Variants in SORCS2 observed in about 807,000 individuals in gnomAD.
SORCS2 encodes VPS10 domain-containing receptor SorCS2.
In SORCS2, 100 loss-of-function variants were observed where a neutral mutation model predicts 141.6. That is an observed-to-expected ratio of 0.71 (90% CI 0.60 to 0.83). SORCS2 has a LOEUF of 0.83. SORCS2 is among the 40% of genes least tolerant of loss of function. SORCS2 has a pLI of 0.00. For synonymous variants in SORCS2, 789 were observed against 676.9 expected, an observed-to-expected ratio of 1.17 and a Z score of -2.57; for missense variants, 1,646 against 1,560.2, an observed-to-expected ratio of 1.05 and a Z score of -0.93.
intron 3 of SORCS2, among the ~76,000 whole-genome samples, chr4:7,618,837 AACACAC>A (rs36003102): frequency 0.012 from 1,860 of 150,548 alleles, 12 homozygotes; most frequent in Middle Eastern, 0.02. Flanking sequence ...CATGTGCGCA[AACACAC>A]ACACACACAC....
At chr4:7,362,986 C>A (rs1321521319) in intron 1 of SORCS2, among the ~76,000 whole-genome samples, 1 of 151,304 alleles carries the variant, frequency 6.6e-6, no homozygotes, top group Non-Finnish European at 1.5e-5. Flanking sequence ...ACCATCATTA[C>A]CACCACTGCC....
chr4:7,692,889 TCCTCAGGTCCAG>T (rs987816917), intron 11 of SORCS2, among the ~76,000 whole-genome samples: 5 of 152,168 alleles, frequency 3.3e-5, no homozygotes, highest in African/African-American at 1.2e-4. Flanking sequence ...CTGGGGCCCA[TCCTCAGGTCCAG>T]CCTCCAGAGG....
At chr4:7,311,638 A>T (rs1026384457) in intron 1 of SORCS2, among the ~76,000 whole-genome samples, 2 of 152,106 alleles carry the variant, frequency 1.3e-5, no homozygotes, top group African/African-American at 4.8e-5. Context: ...CATTTCCGTG[A>T]TGATGAATGA....
intron 2 of SORCS2, among the ~76,000 whole-genome samples, chr4:7,427,840 A>ACCGCCCCC (rs80141648): frequency 2.7e-5 from 4 of 150,590 alleles, no homozygotes; most frequent in South Asian, 2.1e-4. Context: ...ATCCCACACC[A>ACCGCCCCC]CCGCCCCCCC....
chr4:7,222,420 T>C (rs936785442), intron 1 of SORCS2, among the ~76,000 whole-genome samples: 1 of 152,206 alleles, frequency 6.6e-6, no homozygotes, highest in Non-Finnish European at 1.5e-5. Context: ...GTCTATGGAA[T>C]GTCTAGAATA....
rs148694853 is a variant in SORCS2, at chr4:7,683,860, A to G, written c.1488+971A>G. On this transcript the variant is annotated intron_variant, in intron 10 of 26. Transcript: ENST00000507866. ...TGGAGAATCTCTCAAAGTAGCTGGG[A>G]CTCTTGCCCGCTCTCATGTGGCTAC... Among the ~76,000 whole-genome samples, 72 of 152,094 alleles carry G rather than the reference A, an allele frequency of 4.7e-4. 1 individual carries two copies. Among genetic ancestry groups the G allele is most frequent in the African/African-American group, 1.7e-3 (69 of 41,476 alleles).
At chr4:7,507,705 A>G (rs1007200894) in intron 2 of SORCS2, among the ~76,000 whole-genome samples, 5 of 151,386 alleles carry the variant, frequency 3.3e-5, no homozygotes, top group Admixed American at 6.6e-5. Flanking sequence ...GGTTTTTCCA[A>G]TCAGTGGGGA....
At chr4:7,270,277 C>T (rs149844134) in intron 1 of SORCS2, among the ~76,000 whole-genome samples, 26 of 152,370 alleles carry the variant, frequency 1.7e-4, no homozygotes, top group African/African-American at 4.8e-4. Flanking sequence ...GCTGACAGCA[C>T]GCGTGTGGGT....
chr4:7,326,026 GT>G, intron 1 of SORCS2, among the ~76,000 whole-genome samples: 1 of 152,136 alleles, frequency 6.6e-6, no homozygotes, highest in Non-Finnish European at 1.5e-5. Context: ...ATGTTTTGAT[GT>G]TCCAGTGGAT....
intron 2 of SORCS2, among the ~76,000 whole-genome samples, chr4:7,403,997 A>ATATTTT (rs1265288820): frequency 5.3e-5 from 1 of 18,982 alleles, no homozygotes; most frequent in African/African-American, 1.5e-4. Context: ...ATATATATAT[A>ATATTTT]TTTTTTTTTT....
At chr4:7,293,807 G>C (rs1187024474) in intron 1 of SORCS2, among the ~76,000 whole-genome samples, 1 of 152,196 alleles carries the variant, frequency 6.6e-6, no homozygotes, top group African/African-American at 2.4e-5. Flanking sequence ...AGTAGGGCAT[G>C]CCTGCATTGG....
chr4:7,706,325 T>A (rs371511187), intron 14 of SORCS2, among the ~76,000 whole-genome samples: 1 of 30,620 alleles, frequency 3.3e-5, no homozygotes. Flanking sequence ...CTGGGCTCCG[T>A]CTGGGCAGGG....
chr4:7,403,053 T>C (rs987383438), intron 2 of SORCS2, among the ~76,000 whole-genome samples: 1 of 152,096 alleles, frequency 6.6e-6, no homozygotes, highest in African/African-American at 2.4e-5. Context: ...TCTAAGGAGG[T>C]TTCCTCCTAA....
intron 3 of SORCS2, among the ~76,000 whole-genome samples, chr4:7,607,330 C>T (rs778683700): frequency 3.3e-5 from 5 of 152,140 alleles, no homozygotes; most frequent in Non-Finnish European, 1.5e-5. Context: ...CTTGCTGTGT[C>T]CTGAAGCCAC....
intron 2 of SORCS2, among the ~76,000 whole-genome samples, chr4:7,449,261 CCCTCCCTCCCTT>C (rs1395399308): frequency 2.4e-4 from 1 of 4,130 alleles, no homozygotes; most frequent in Admixed American, 2.8e-3. Context: ...CTCCCTCCCT[CCCTCCCTCCCTT>C]CCTCCCTCCC....
chr4:7,375,170 A>G (rs1377655161), intron 1 of SORCS2, among the ~76,000 whole-genome samples: 1 of 152,122 alleles, frequency 6.6e-6, no homozygotes, highest in East Asian at 1.9e-4. Context: ...CATCCCCATG[A>G]AGTGGAGCTC....
chr4:7,644,378 G>C (rs11936769), intron 4 of SORCS2, among the ~76,000 whole-genome samples: 33,446 of 152,194 alleles, frequency 0.22, 8,267 homozygotes, highest in African/African-American at 0.61. Flanking sequence ...CCCTCCAGAG[G>C]TGGAGGGTGG....
Position 7,445,909 on chromosome 4 carries a change from G to T in SORCS2, c.548+49554G>T, listed in dbSNP as rs988330666. The stretch of plus-strand genomic sequence containing the variant: ...TGGCCCTGAGAGTAGAGGGATGGGG[G>T]ACAGGTGCTCACCTGCCCAGGCCCA... On this transcript the variant is annotated intron_variant, in intron 2 of 26. Transcript: ENST00000507866. Among the ~76,000 whole-genome samples, 3 of 152,122 alleles carry T rather than the reference G, an allele frequency of 2.0e-5. No individual in the cohort carries two copies. In the South Asian group the frequency reaches 6.2e-4, roughly 32 times the overall value.
intron 1 of SORCS2, among the ~76,000 whole-genome samples, chr4:7,252,391 G>A (rs4689669): frequency 0.86 from 130,243 of 152,216 alleles, 55,812 homozygotes; most frequent in Non-Finnish European, 0.87. Context: ...CAGTGCATGG[G>A]TTTAGAGCAA....
Sources: allele counts gnomAD v4.1 joint callset (sites outside exome capture counted in the v4.1 genomes callset), GRCh38; gene constraint gnomAD v4.1.1; transcripts MANE v1.5; gene names NCBI Gene and HGNC (gene_info 2026-07-23, HGNC 2026-07-21).